Variants in SMAP1 observed in about 807,000 individuals in gnomAD.
SMAP1 encodes stromal membrane-associated protein 1.
In SMAP1, 24 loss-of-function variants were observed where a neutral mutation model predicts 58.5. The ratio of observed to expected loss-of-function variants is 0.41; its 90% CI spans 0.30 to 0.58. SMAP1 has a LOEUF of 0.58. Ranked by LOEUF, SMAP1 falls within the 20% of genes least tolerant of loss-of-function variation. The pLI is 0.29. For synonymous variants in SMAP1, 216 were observed against 196.6 expected (o/e 1.10, Z -0.82); for missense variants, 563 against 566.3 (o/e 0.99, Z 0.06).
At chr6:70,691,516 C>A (rs1441657838) in intron 1 of SMAP1, among the ~76,000 whole-genome samples, 1 of 152,022 alleles carries the variant, frequency 6.6e-6, no homozygotes, top group Non-Finnish European at 1.5e-5. Context: ...ACTGTAATCA[C>A]CCTGTTGTGT....
At chr6:70,715,103 C>CTTTTTTTTTTTTTTTTT (rs34027498) in intron 1 of SMAP1, among the ~76,000 whole-genome samples, 1 of 108,892 alleles carries the variant, frequency 9.2e-6, no homozygotes. Context: ...TTTTTTTTTC[C>CTTTTTTTTTTTTTTTTT]TTTTTTTTTT....
chr6:70,789,849 A>G (rs1268684665), intron 4 of SMAP1, among the ~76,000 whole-genome samples: 2 of 151,604 alleles, frequency 1.3e-5, no homozygotes, highest in Non-Finnish European at 2.9e-5. Flanking sequence ...ACAGAGTGAG[A>G]CCCTGTCTGA....
chr6:70,713,513 C>T (rs1235030406), intron 1 of SMAP1, among the ~76,000 whole-genome samples: 2 of 151,814 alleles, frequency 1.3e-5, no homozygotes, highest in African/African-American at 2.4e-5. Context: ...TACTGTTTGA[C>T]CTAGTGGTTG....
At chr6:70,824,303 A>G (rs530385501) in intron 6 of SMAP1, among the ~76,000 whole-genome samples, 5 of 152,288 alleles carry the variant, frequency 3.3e-5, no homozygotes, top group Admixed American at 3.3e-4. Flanking sequence ...TCATAAGGTC[A>G]GTATGATAGC....
chr6:70,772,094 A>G (rs554609302), intron 3 of SMAP1, among the ~76,000 whole-genome samples: 6 of 152,312 alleles, frequency 3.9e-5, no homozygotes, highest in Admixed American at 2.0e-4. Flanking sequence ...TGATGTGCAT[A>G]TCTTGGGGAT....
chr6:70,727,408 C>T (rs1718320522), intron 1 of SMAP1, among the ~76,000 whole-genome samples: 1 of 152,140 alleles, frequency 6.6e-6, no homozygotes, highest in Non-Finnish European at 1.5e-5. Flanking sequence ...TGCGCCCAAC[C>T]CACATAATAA....
chr6:70,844,832 A>G (rs1770928061), intron 7 of SMAP1, among the ~76,000 whole-genome samples: 1 of 152,190 alleles, frequency 6.6e-6, no homozygotes, highest in African/African-American at 2.4e-5. Flanking sequence ...TAAGGAGAAA[A>G]CTTTAAATGG....
At chr6:70,676,936 A>G (rs866655556) in intron 1 of SMAP1, among the ~76,000 whole-genome samples, 2 of 151,842 alleles carry the variant, frequency 1.3e-5, no homozygotes, top group Admixed American at 6.6e-5. Context: ...GCTTGTCACC[A>G]TGTATGGCTA....
At chr6:70,686,310 G>C (rs1377806041) in intron 1 of SMAP1, among the ~76,000 whole-genome samples, 1 of 152,034 alleles carries the variant, frequency 6.6e-6, no homozygotes, top group Non-Finnish European at 1.5e-5. Context: ...TGTTTTCTGT[G>C]TTTAGTTTAC....
intron 2 of SMAP1, among the ~76,000 whole-genome samples, chr6:70,740,719 C>T (rs1427352809): frequency 6.6e-6 from 1 of 152,100 alleles, no homozygotes; most frequent in Non-Finnish European, 1.5e-5. Flanking sequence ...CTTATTGTGG[C>T]CCATTCACAC....
At chr6:70,739,062 G>A (rs1290242795) in intron 2 of SMAP1, among the ~76,000 whole-genome samples, 1 of 152,106 alleles carries the variant, frequency 6.6e-6, no homozygotes, top group African/African-American at 2.4e-5. Flanking sequence ...ATCTGGAACT[G>A]GAGAGAACCT....
chr6:70,818,307 G>A (rs1168291230), intron 6 of SMAP1, among the ~76,000 whole-genome samples: 3 of 151,928 alleles, frequency 2.0e-5, no homozygotes, highest in Non-Finnish European at 4.4e-5. Context: ...TCAGGAGGCT[G>A]AGGCAGGAGA....
In SMAP1 at chr6:70,717,075, G is replaced by A. The variant is rs535587546; in HGVS notation, c.119-15303G>A. Reference sequence around the variant, plus strand: ...TTTGTTTGTCCAAACTACACTCTTTGTTCTTTCTTAGTGGTCTCCAGTAAT... The same window carrying A: ...TTTGTTTGTCCAAACTACACTCTTTATTCTTTCTTAGTGGTCTCCAGTAAT... On this transcript the variant is annotated intron_variant, in intron 1 of 10. Transcript: ENST00000370455. 3.3e-5 allele frequency among the ~76,000 whole-genome samples: 5 copies of A among 152,226 alleles called. No individual in the cohort carries two copies. In the South Asian group the frequency reaches 1.0e-3, roughly 32 times the overall value.
rs1327879574 is a variant in SMAP1 at position 70,745,160 on chromosome 6, A to G, written c.253-9820A>G. Among the ~76,000 whole-genome samples the G allele has an allele frequency of 2.6e-5, 4 of 152,318 alleles. No homozygotes were observed. The East Asian group carries it at 7.7e-4, about 29-fold the overall frequency. ...CTGATGGTAGTTTCTTTTGCTGTGC[A>G]GAAGCTCTTTAGTTTAATTAGATCC... On this transcript the variant is annotated intron_variant, in intron 2 of 10. Coordinates refer to ENST00000370455, the MANE Select transcript of SMAP1 (RefSeq NM_001044305.3).
At chr6:70,809,260 G>C (rs1222024901) in intron 6 of SMAP1, among the ~76,000 whole-genome samples, 1 of 152,036 alleles carries the variant, frequency 6.6e-6, no homozygotes, top group Admixed American at 6.6e-5. Context: ...AAGTATTTGG[G>C]TATTTAAGGA....
Position 70,798,710 on chromosome 6 carries a change from G to A in SMAP1, c.549G>A (p.Lys183=). 6.4e-7 allele frequency: 1 copy of A among 1,560,118 alleles called. No homozygotes were observed. Among genetic ancestry groups the A allele is most frequent in the East Asian group, 2.3e-5 (1 of 43,050 alleles). The change falls in exon 6 of 11, where the codon AAG becomes AAA. Residue 183 remains lysine (K), a synonymous_variant. Coordinates refer to ENST00000370455, the MANE Select transcript of SMAP1 (RefSeq NM_001044305.3). ...AAAAGAGAGAAAAGGAGCCAGAAAAGCCGGCAAAACCACTTACAGCTGAAA... is the reference window on the plus strand; with the variant it reads ...AAAAGAGAGAAAAGGAGCCAGAAAAACCGGCAAAACCACTTACAGCTGAAA... The part of the protein sequence containing the change: ...EEKKREKEPE[K]PAKPLTAEKL...
At chr6:70,760,918 CT>C (rs1246698411) in intron 3 of SMAP1, among the ~76,000 whole-genome samples, 1 of 151,978 alleles carries the variant, frequency 6.6e-6, no homozygotes, top group East Asian at 1.9e-4. Flanking sequence ...AATGATAAAG[CT>C]TTACATTAAG....
intron 6 of SMAP1, among the ~76,000 whole-genome samples, chr6:70,828,139 G>A (rs1430101495): frequency 2.0e-5 from 3 of 151,976 alleles, no homozygotes; most frequent in Admixed American, 2.0e-4. Context: ...AATCTATATA[G>A]GAATATAAGA....
At chr6:70,727,283 G>A (rs934389047) in intron 1 of SMAP1, among the ~76,000 whole-genome samples, 4 of 151,940 alleles carry the variant, frequency 2.6e-5, no homozygotes, top group Admixed American at 2.6e-4. Context: ...TAATTTTTGT[G>A]TTTTTAGTAG....
Sources: allele counts gnomAD v4.1 joint callset (sites outside exome capture counted in the v4.1 genomes callset), GRCh38; gene constraint gnomAD v4.1.1; transcripts MANE v1.5; gene names NCBI Gene and HGNC (gene_info 2026-07-23, HGNC 2026-07-21).